The following NBPF11 variants were observed in gnomAD, a reference collection of about 807,000 sequenced individuals.
NBPF11 encodes the protein NBPF family member NBPF11.
In NBPF11, 72 loss-of-function variants were observed where a neutral mutation model predicts 93.9. The observed-to-expected ratio is 0.77, with a 90% CI of 0.63 to 0.93. NBPF11 has a LOEUF of 0.93. NBPF11 is among the 40% of genes least tolerant of loss of function. The pLI is 0.00. For synonymous variants in NBPF11, 224 were observed against 304.9 expected (o/e 0.73, Z 2.76); for missense variants, 705 against 802.2 (o/e 0.88, Z 1.46).
At position 148,146,555 on chromosome 1, in the gene NBPF11, G is replaced by T. The variant is rs1168697001; in HGVS notation, c.-548-2869C>A. On this transcript the variant is annotated intron_variant, in intron 1 of 23. Coordinates refer to ENST00000682118, the MANE Select transcript of NBPF11 (RefSeq NM_001385469.3). ...GGTGGGGCCGGGGCCGCCCCCTTGGGGACCCTGAGAGCCTCCTCGGGCGCA... is the reference window on the plus strand; with the variant it reads ...GGTGGGGCCGGGGCCGCCCCCTTGGTGACCCTGAGAGCCTCCTCGGGCGCA... 4,314 of 1,605,188 alleles carry T rather than the reference G, an allele frequency of 2.7e-3. 188 individuals carry two copies. In the African/African-American group the frequency reaches 0.052, roughly 19 times the overall value.
chr1:148,120,615 T>A lies in NBPF11; in HGVS notation c.874A>T (p.Asn292Tyr), dbSNP rs1300185071. The change falls in exon 10 of 24, where the codon AAT becomes TAT. Residue 292 changes from asparagine to tyrosine, a missense_variant. Transcript: ENST00000682118. ...GCCAGCTGGGGGCACAATTTCTCAT[T>A]GATTTCTAGAATGTTCATCTCTGCC... Reference protein sequence around the residue: ...EKAEMNILEINEKLCPQLAEK... With the variant: ...EKAEMNILEIYEKLCPQLAEK... The A allele has an allele frequency of 5.8e-5, 88 of 1,520,726 alleles. 1 individual carries two copies. In the African/African-American group the frequency reaches 1.1e-3, roughly 18 times the overall value. 94.2% of individuals were successfully genotyped at this position (1,520,726 alleles called of 1,614,324 possible).
At chr1:148,129,268 G>A (rs1278978819) in intron 4 of NBPF11, among the ~76,000 whole-genome samples, 2,054 of 146,174 alleles carry the variant, frequency 0.014, 84 homozygotes, top group African/African-American at 0.05. Context: ...TATAATACGT[G>A]TATATACATA....
In NBPF11 at chr1:148,133,709, G is replaced by A. The variant is rs1200583418; in HGVS notation, c.-36+1963C>T. ...TCCCAGCACTTTGGGAGGCTGAGGC[G>A]GGCGGATCACACTTGTGGCAGCATT... On this transcript the variant is annotated intron_variant, in intron 4 of 23. Transcript: ENST00000682118. Among the ~76,000 whole-genome samples the A allele has an allele frequency of 1.5e-3, 230 of 150,566 alleles. 2 individuals carry two copies. Among genetic ancestry groups the A allele is most frequent in the African/African-American group, 5.2e-3 (214 of 40,918 alleles).
intron 2 of NBPF11, among the ~76,000 whole-genome samples, chr1:148,142,593 A>G (rs1335368926): frequency 7.2e-5 from 11 of 152,034 alleles, no homozygotes; most frequent in Non-Finnish European, 1.5e-4. Context: ...CTCCCCCAGG[A>G]CCTGGTGGGC....
In NBPF11 at chr1:148,104,209, C is replaced by A. The variant is rs1248625833; in HGVS notation, c.2582-297G>T. Among the ~76,000 whole-genome samples the A allele has an allele frequency of 1.4e-5, 2 of 144,234 alleles. 1 individual carries two copies. The highest frequency in any genetic ancestry group is 3.0e-5 in the Non-Finnish European group (2 of 66,608). The allele number at this position is 144,234 out of a possible 152,430, so 94.6% of individuals were successfully genotyped here. On this transcript the variant is annotated intron_variant, in intron 23 of 23. Coordinates refer to ENST00000682118, the MANE Select transcript of NBPF11 (RefSeq NM_001385469.3). Reference sequence around the variant, plus strand: ...ACTGGTAAGGGAGTCAAAGGACACTCTGACTTAGTGCCCTCATGACACACA... The same window carrying A: ...ACTGGTAAGGGAGTCAAAGGACACTATGACTTAGTGCCCTCATGACACACA...
chr1:148,124,327 C>T (rs1668580474), intron 6 of NBPF11, among the ~76,000 whole-genome samples: 1 of 151,462 alleles, frequency 6.6e-6, no homozygotes, highest in Non-Finnish European at 1.5e-5. Flanking sequence ...TAGGTGTCTT[C>T]CTAATTCCGT....
chr1:148,140,427 C>T (rs1288437628), intron 2 of NBPF11, among the ~76,000 whole-genome samples: 6 of 151,106 alleles, frequency 4.0e-5, no homozygotes, highest in Non-Finnish European at 7.4e-5. Context: ...AGTTGAGCCT[C>T]ATTAAAATTA....
In NBPF11 at chr1:148,136,161, G is replaced by A. The variant is rs1243314986; in HGVS notation, c.-177-348C>T. Among the ~76,000 whole-genome samples, 44 of 152,024 alleles carry A rather than the reference G, an allele frequency of 2.9e-4. 2 individuals are homozygous for A. Among genetic ancestry groups the A allele is most frequent in the East Asian group, 2.3e-3 (12 of 5,180 alleles). The stretch of plus-strand genomic sequence containing the variant: ...TAGTATAAACACTTTGGGAAAAAAC[G>A]TCTGGCATATTCTTACAGAACTAAA... On this transcript the variant is annotated intron_variant, in intron 3 of 23. Coordinates refer to ENST00000682118, the MANE Select transcript of NBPF11 (RefSeq NM_001385469.3).
chr1:148,103,818 G>C lies in NBPF11; in HGVS notation c.*78C>G. On this transcript the variant is annotated 3_prime_UTR_variant, in exon 24 of 24. Transcript: ENST00000682118. Reference sequence around the variant, plus strand: ...CTTCTGTAGTGCTGGAATGAGTCAGGTAGTTCAAAGTACATTGATGGAGTC... The same window carrying C: ...CTTCTGTAGTGCTGGAATGAGTCAGCTAGTTCAAAGTACATTGATGGAGTC... 1 of 1,611,718 alleles carries C rather than the reference G, an allele frequency of 6.2e-7. No homozygotes were observed. Among genetic ancestry groups the C allele is most frequent in the South Asian group, 1.1e-5 (1 of 90,988 alleles).
At position 148,124,040 on chromosome 1, in the gene NBPF11, C is replaced by T. The variant is rs1260987379; in HGVS notation, c.306G>A (p.Gln102=). 5 of 1,590,104 alleles carry T rather than the reference C, an allele frequency of 3.1e-6. No homozygotes were observed. The highest frequency in any genetic ancestry group is 2.3e-4 in the Middle Eastern group (1 of 4,374). ...LRQYKVLVHS[Q]ERELTQLREK... ...CCCTTAACTGGGTCAGCTCTCGTTCCTGAGAGTGAACCAGGACTTTATATT... is the reference window on the plus strand; with the variant it reads ...CCCTTAACTGGGTCAGCTCTCGTTCTTGAGAGTGAACCAGGACTTTATATT... The change falls in exon 7 of 24, where the codon CAG becomes CAA. Residue 102 remains glutamine (Q), a synonymous_variant. Transcript: ENST00000682118.
At chr1:148,131,323 G>T (rs1302078721) in intron 4 of NBPF11, among the ~76,000 whole-genome samples, 2 of 151,736 alleles carry the variant, frequency 1.3e-5, no homozygotes, top group South Asian at 4.2e-4. Context: ...TTTACTGGGG[G>T]TCTGAAGAAA....
chr1:148,115,518 G>A (rs1347771661), intron 14 of NBPF11, among the ~76,000 whole-genome samples: 8 of 151,638 alleles, frequency 5.3e-5, no homozygotes, highest in South Asian at 4.2e-4. Context: ...ATACTGAATC[G>A]AAGTTAGGAG....
rs57784339 is a variant in NBPF11 at position 148,126,846 on chromosome 1, T to C, written c.158A>G (p.Asn53Ser). The change falls in exon 5 of 24, where the codon AAC becomes AGC. Residue 53 changes from asparagine (N) to serine (S), a missense_variant. Transcript: ENST00000682118. ...GATCTTACTGTATTTCTTCTGTCGG[T>C]TGGCCAGGAAGCCGGCCAGTTGAGT... ...FLTQLAGFLA[N>S]RQKKYKYEEC... The C allele has an allele frequency of 0.13, 205,121 of 1,556,458 alleles. 15,462 individuals are homozygous for C. The highest frequency in any genetic ancestry group is 0.3 in the East Asian group (13,254 of 44,522).
At chr1:148,134,639 ATTG>A (rs1670970029) in intron 4 of NBPF11, among the ~76,000 whole-genome samples, 1 of 150,838 alleles carries the variant, frequency 6.6e-6, no homozygotes, top group Admixed American at 6.6e-5. Context: ...GAGTCAAGAT[ATTG>A]TTATTTTCAA....
At chr1:148,141,488 A>G (rs1388529064) in intron 2 of NBPF11, among the ~76,000 whole-genome samples, 1 of 152,076 alleles carries the variant, frequency 6.6e-6, no homozygotes, top group Admixed American at 6.5e-5. Context: ...CTTTTTTTTA[A>G]TTAGGATGCA....
At chr1:148,108,959 C>T (rs1259139532) in intron 17 of NBPF11, among the ~76,000 whole-genome samples, 10 of 151,062 alleles carry the variant, frequency 6.6e-5, no homozygotes, top group South Asian at 2.1e-4. Context: ...TGTATTTGTG[C>T]TCTCAGGACA....
Position 148,146,617 on chromosome 1 carries a change from G to T in NBPF11, c.-548-2931C>A, listed in dbSNP as rs1211057442. 26 of 1,610,984 alleles carry T rather than the reference G, an allele frequency of 1.6e-5. 1 individual carries two copies. In the African/African-American group the frequency reaches 2.7e-4, roughly 17 times the overall value. On this transcript the variant is annotated intron_variant, in intron 1 of 23. Transcript: ENST00000682118. ...GAAGCTGCACCTGACGGAGCGTGCC[G>T]ACTTCCAGTACAGCCAGCGCGAGCT...
At chr1:148,135,315 C>G in intron 4 of NBPF11, 1 of 189,848 alleles carries the variant, frequency 5.3e-6, no homozygotes, top group South Asian at 8.1e-5. Flanking sequence ...ATTCTATGAC[C>G]ATCTGTTTCA....
At chr1:148,131,045 C>G (rs1670238208) in intron 4 of NBPF11, among the ~76,000 whole-genome samples, 1 of 151,148 alleles carries the variant, frequency 6.6e-6, no homozygotes, top group Non-Finnish European at 1.5e-5. Flanking sequence ...CACGTTTGGG[C>G]TATTATGAAG....
Sources: allele counts gnomAD v4.1 joint callset (sites outside exome capture counted in the v4.1 genomes callset), GRCh38; gene constraint gnomAD v4.1.1; transcripts MANE v1.5; gene names NCBI Gene and HGNC (gene_info 2026-07-23, HGNC 2026-07-21).